The following EBF2 variants were observed in gnomAD, a reference collection of about 807,000 sequenced individuals.
EBF2 encodes the protein EBF transcription factor 2, also known as transcription factor COE2.
EBF2 carries 21 observed loss-of-function variants against 72.8 expected under a neutral mutation model. That is an observed-to-expected ratio of 0.29 (90% CI 0.20 to 0.42). The LOEUF is 0.42. Among genes scored for constraint, EBF2 ranks in the 10% least tolerant of loss-of-function variants. The probability of loss-of-function intolerance (pLI) is 1.00; values close to 1 mark genes in which losing one functional copy is unlikely to be tolerated. For synonymous variants in EBF2, 299 were observed against 274.2 expected (o/e 1.09, Z -0.89); for missense variants, 637 against 731.2 (o/e 0.87, Z 1.49).
At chr8:25,862,932 T>C in intron 10 of EBF2, 135 bp from the exon 11 acceptor site, 1 of 417,120 alleles carries the variant, frequency 2.4e-6, no homozygotes, top group East Asian at 4.0e-5. Flanking sequence ...GCTATCGACA[T>C]TGGTTAATTC....
intron 10 of EBF2, among the ~76,000 whole-genome samples, chr8:25,869,539 A>G (rs1166784230): frequency 6.6e-6 from 1 of 152,070 alleles, no homozygotes; most frequent in Admixed American, 6.6e-5. Context: ...CTTTATTTTT[A>G]TGTTTTCCTG....
At chr8:25,989,931 C>T (rs1804518859) in intron 6 of EBF2, among the ~76,000 whole-genome samples, 1 of 152,168 alleles carries the variant, frequency 6.6e-6, no homozygotes, top group South Asian at 2.1e-4. Context: ...TAGGGGTCAA[C>T]TTCTAGAGCC....
Position 25,953,340 on chromosome 8 carries a change from G to A in EBF2, c.552-44785C>T, listed in dbSNP as rs112840575. ...AATGTTGGTTGAATGAACGATTAAAGGAATGAATGGAAACATGATTTTCCT... is the reference window on the plus strand; with the variant it reads ...AATGTTGGTTGAATGAACGATTAAAAGAATGAATGGAAACATGATTTTCCT... On this transcript the variant is annotated intron_variant, in intron 6 of 15. Coordinates refer to ENST00000520164, the MANE Select transcript of EBF2 (RefSeq NM_022659.4). Among the ~76,000 whole-genome samples the A allele has an allele frequency of 3.1e-3, 473 of 152,330 alleles. 2 individuals carry two copies. The highest frequency in any genetic ancestry group is 0.011 in the African/African-American group (443 of 41,570).
chr8:25,949,095 C>T (rs1318390328), intron 6 of EBF2, among the ~76,000 whole-genome samples: 1 of 152,204 alleles, frequency 6.6e-6, no homozygotes, highest in Non-Finnish European at 1.5e-5. Flanking sequence ...AAGCACTTCT[C>T]AAATACTATC....
intron 14 of EBF2, among the ~76,000 whole-genome samples, chr8:25,856,491 A>G (rs1802095851): frequency 6.6e-6 from 1 of 152,170 alleles, no homozygotes; most frequent in South Asian, 2.1e-4. Flanking sequence ...ATCTCTTACA[A>G]CGGATAATGA....
At chr8:25,847,232 A>G (rs1380443307) in intron 15 of EBF2, among the ~76,000 whole-genome samples, 1 of 152,100 alleles carries the variant, frequency 6.6e-6, no homozygotes, top group African/African-American at 2.4e-5. Context: ...CTTTGCAGAC[A>G]ATGAAGTCTA....
chr8:26,043,368 C>G (rs1019239029), intron 1 of EBF2, among the ~76,000 whole-genome samples: 13 of 152,266 alleles, frequency 8.5e-5, no homozygotes, highest in African/African-American at 2.9e-4. Flanking sequence ...TAAGTCTGCT[C>G]CTTCCAGCTT....
chr8:25,948,143 T>G (rs114248513), intron 6 of EBF2, among the ~76,000 whole-genome samples: 472 of 152,352 alleles, frequency 3.1e-3, no homozygotes, highest in African/African-American at 0.011. Context: ...TAGGATCTCA[T>G]CAGGGGCTAA....
At chr8:25,846,361 G>C (rs1801836312) in intron 15 of EBF2, among the ~76,000 whole-genome samples, 1 of 152,104 alleles carries the variant, frequency 6.6e-6, no homozygotes, top group Non-Finnish European at 1.5e-5. Flanking sequence ...GAACCATGCT[G>C]TATGTGGAGC....
intron 14 of EBF2, among the ~76,000 whole-genome samples, chr8:25,856,880 C>G (rs1469446944): frequency 6.6e-6 from 1 of 152,212 alleles, no homozygotes; most frequent in Non-Finnish European, 1.5e-5. Flanking sequence ...AAGTAAATGA[C>G]TCCCTTGAAT....
At chr8:26,024,347 A>T (rs1805263552) in intron 6 of EBF2, among the ~76,000 whole-genome samples, 1 of 152,164 alleles carries the variant, frequency 6.6e-6, no homozygotes, top group Admixed American at 6.5e-5. Context: ...TATGCAAAGG[A>T]TATCTACACA....
chr8:25,870,668 T>C (rs1486672707), intron 10 of EBF2, among the ~76,000 whole-genome samples: 1 of 152,126 alleles, frequency 6.6e-6, no homozygotes, highest in Non-Finnish European at 1.5e-5. Context: ...ACCACTAGGA[T>C]ACAGGGTCAT....
chr8:25,879,047 GA>G (rs1384331574), intron 10 of EBF2, among the ~76,000 whole-genome samples: 1 of 151,996 alleles, frequency 6.6e-6, no homozygotes, highest in African/African-American at 2.4e-5. Flanking sequence ...TAAGCAACAT[GA>G]AAAAAATTTA....
chr8:26,037,837 A>G (rs774046603), intron 5 of EBF2, among the ~76,000 whole-genome samples: 2 of 152,118 alleles, frequency 1.3e-5, no homozygotes, highest in Non-Finnish European at 2.9e-5. Context: ...TTATTCCTAA[A>G]GAGATTTATT....
At chr8:25,934,384 TCTG>T (rs1803539614) in intron 6 of EBF2, among the ~76,000 whole-genome samples, 2 of 152,196 alleles carry the variant, frequency 1.3e-5, no homozygotes, top group African/African-American at 2.4e-5. Flanking sequence ...CTCTGATAAT[TCTG>T]CTATTTTATT....
In EBF2 at chr8:25,843,154, TAG is replaced by T. The variant is rs1249459623; in HGVS notation, c.*1453_*1454del. ...CAAAGGGCTGGGTAACTGTGCTGCA[TAG>T]AACGCAGATGCCCCTAATCTCTGGA... On this transcript the variant is annotated 3_prime_UTR_variant, in exon 16 of 16. Transcript: ENST00000520164. The T allele has an allele frequency of 6.6e-6, 1 of 152,180 alleles. No homozygotes were observed. The highest frequency in any genetic ancestry group is 1.5e-5 in the Non-Finnish European group (1 of 68,032). 9.4% of individuals were successfully genotyped at this position (152,180 alleles called of 1,614,324 possible). A position where few individuals can be genotyped will look rare whatever the true frequency, so the allele number is the denominator to read the frequency against.
chr8:25,972,958 C>A (rs1373203313), intron 6 of EBF2, among the ~76,000 whole-genome samples: 1 of 144,040 alleles, frequency 6.9e-6, no homozygotes, highest in Non-Finnish European at 1.5e-5. Context: ...CTCTCCCCAA[C>A]TCCCACCCAC....
At position 26,042,251 on chromosome 8, in the gene EBF2, G is replaced by A. The variant is rs1293049368; in HGVS notation, c.132C>T (p.Ser44=). The A allele has an allele frequency of 1.9e-6, 3 of 1,611,818 alleles. No individual in the cohort carries two copies. The highest frequency in any genetic ancestry group is 1.7e-5 in the Admixed American group (1 of 59,510). The part of the protein sequence containing the change: ...GVVDANVAAQ[S]GVALSRAHFE... The stretch of plus-strand genomic sequence containing the variant: ...AGTGGGCCCGGGACAGGGCGACCCC[G>A]CTGCACAGGGAGAAAAACGGGGGAA... The change falls in exon 2 of 16, where the codon AGC becomes AGT. Residue 44 remains serine, a splice_region_variant and synonymous_variant. Coordinates refer to ENST00000520164, the MANE Select transcript of EBF2 (RefSeq NM_022659.4).
At chr8:26,011,871 T>C (rs191676613) in intron 6 of EBF2, among the ~76,000 whole-genome samples, 1 of 152,148 alleles carries the variant, frequency 6.6e-6, no homozygotes, top group Non-Finnish European at 1.5e-5. Context: ...AGGAGCATGG[T>C]GACATCAATC....
Sources: gnomAD v4.1 joint callset for allele counts (sites outside exome capture counted in the v4.1 genomes callset) on GRCh38, gnomAD v4.1.1 for gene constraint, MANE v1.5 for transcripts, NCBI Gene and HGNC (gene_info 2026-07-23, HGNC 2026-07-21) for gene names.